TMEM184B: variants seen among roughly 807,000 people sequenced by gnomAD.
The protein encoded by TMEM184B is putative MAPK-activating protein FM08.
In TMEM184B, 17 loss-of-function variants were observed where a neutral mutation model predicts 41.8. The ratio of observed to expected loss-of-function variants is 0.41; its 90% CI spans 0.28 to 0.61. TMEM184B has a LOEUF of 0.61. Among genes scored for constraint, TMEM184B ranks in the 20% least tolerant of loss-of-function variants. The pLI, the probability that TMEM184B is intolerant of heterozygous loss-of-function variation, is 0.34. For synonymous variants in TMEM184B, 240 were observed against 229.5 expected (o/e 1.05, Z -0.41); for missense variants, 393 against 557.8 (o/e 0.70, Z 2.98).
chr22:38,227,814 G>A (rs370811127), intron 5 of TMEM184B, among the ~76,000 whole-genome samples: 45 of 152,268 alleles, frequency 3.0e-4, no homozygotes, highest in Non-Finnish European at 4.9e-4. Context: ...CACTAACGGC[G>A]CCTGCTAGCT....
At chr22:38,269,314 G>A (rs1054055848) in intron 1 of TMEM184B, among the ~76,000 whole-genome samples, 3 of 152,142 alleles carry the variant, frequency 2.0e-5, no homozygotes, top group East Asian at 1.9e-4. Context: ...TCCGCCTCCC[G>A]GATTAAAGCA....
intron 1 of TMEM184B, among the ~76,000 whole-genome samples, chr22:38,267,096 A>C (rs923979313): frequency 6.6e-6 from 1 of 152,108 alleles, no homozygotes; most frequent in Non-Finnish European, 1.5e-5. Context: ...AAAAAAAAAA[A>C]AAACAAGTAC....
rs1374465300 is a variant in TMEM184B, at chr22:38,260,345, C to T, written c.-58-12326G>A. Among the ~76,000 whole-genome samples the T allele has an allele frequency of 2.6e-5, 4 of 152,124 alleles. No individual in the cohort carries two copies. In the East Asian group the frequency reaches 5.8e-4, roughly 22 times the overall value. ...TGCTGGGATTACAGATGTGAGCCAC[C>T]GCACCCGACCTAATTTGTGTTTTAA... On this transcript the variant is annotated intron_variant, in intron 1 of 8. Coordinates refer to ENST00000361906, the MANE Select transcript of TMEM184B (RefSeq NM_012264.5).
At chr22:38,251,848 A>C (rs2092170763) in intron 1 of TMEM184B, among the ~76,000 whole-genome samples, 1 of 150,840 alleles carries the variant, frequency 6.6e-6, no homozygotes, top group Admixed American at 6.6e-5. Flanking sequence ...CAAACAGATG[A>C]GGCTCAGAAT....
At chr22:38,247,683 G>T in intron 2 of TMEM184B, 87 bp downstream of exon 2, 1 of 1,469,940 alleles carries the variant, frequency 6.8e-7, no homozygotes, top group Non-Finnish European at 9.0e-7. Flanking sequence ...CTGCAGTGCA[G>T]CCTGGCCTAG....
intron 1 of TMEM184B, among the ~76,000 whole-genome samples, chr22:38,267,365 GAC>G (rs2092458167): frequency 6.6e-6 from 1 of 151,786 alleles, no homozygotes; most frequent in African/African-American, 2.4e-5. Context: ...CAGCCAGCCA[GAC>G]TCAAGGCTGT....
intron 1 of TMEM184B, among the ~76,000 whole-genome samples, chr22:38,252,460 A>G (rs1227780299): frequency 6.6e-6 from 1 of 152,220 alleles, no homozygotes; most frequent in African/African-American, 2.4e-5. Flanking sequence ...ACAAGTCCTG[A>G]GGCCTCTGGA....
chr22:38,252,062 ATTT>A (rs61385474), intron 1 of TMEM184B, among the ~76,000 whole-genome samples: 1 of 142,874 alleles, frequency 7.0e-6, no homozygotes, highest in Admixed American at 7.0e-5. Context: ...TGTCCAACAA[ATTT>A]TTTTTTTTTT....
chr22:38,247,448 G>A (rs2092059654), intron 2 of TMEM184B, among the ~76,000 whole-genome samples: 2 of 152,222 alleles, frequency 1.3e-5, no homozygotes, highest in Non-Finnish European at 2.9e-5. Context: ...TGGGACGCAG[G>A]CAAGAAAGCG....
chr22:38,256,981 T>TTTTTTTTTG (rs1361406755), intron 1 of TMEM184B, among the ~76,000 whole-genome samples: 4 of 149,256 alleles, frequency 2.7e-5, no homozygotes, highest in African/African-American at 1.0e-4. Context: ...TTAATAGTTT[T>TTTTTTTTTG]TTTTTTTTTT....
At chr22:38,251,567 T>G (rs2092162859) in intron 1 of TMEM184B, among the ~76,000 whole-genome samples, 1 of 152,158 alleles carries the variant, frequency 6.6e-6, no homozygotes, top group Non-Finnish European at 1.5e-5. Context: ...CCCAAGTCAG[T>G]GACCACAAGG....
chr22:38,219,528 T>C lies in TMEM184B; in HGVS notation c.*1941A>G, dbSNP rs2091201398. 2 of 899,150 alleles carry C rather than the reference T, an allele frequency of 2.2e-6. No homozygotes were observed. The highest frequency in any genetic ancestry group is 3.7e-5 in the African/African-American group (2 of 54,788). The allele number at this position is 899,150 out of a possible 1,614,324, so 55.7% of individuals were successfully genotyped here. ...GAGCTACTCTACCTGGAAAGAAAAT[T>C]AAAAAAAAAAAAGACAAGGTAGGTT... On this transcript the variant is annotated 3_prime_UTR_variant, in exon 9 of 9. Transcript: ENST00000361906.
intron 3 of TMEM184B, among the ~76,000 whole-genome samples, chr22:38,232,722 T>C (rs112509476): frequency 0.023 from 3,549 of 152,232 alleles, 147 homozygotes; most frequent in African/African-American, 0.081. Context: ...AGCTTGGCAC[T>C]TGATCTTTCA....
In TMEM184B at chr22:38,270,402, C is replaced by T. The variant is rs112332686; in HGVS notation, c.-59+2482G>A. Among the ~76,000 whole-genome samples, 76 of 152,344 alleles carry T rather than the reference C, an allele frequency of 5.0e-4. 2 individuals are homozygous for T. The highest frequency in any genetic ancestry group is 1.7e-3 in the East Asian group (9 of 5,192). ...AATTAAATACAGTAATTCATGAAAGCGCTTTGAACTGTGCCTGGCACACAG... is the reference window on the plus strand; with the variant it reads ...AATTAAATACAGTAATTCATGAAAGTGCTTTGAACTGTGCCTGGCACACAG... On this transcript the variant is annotated intron_variant, in intron 1 of 8. Transcript: ENST00000361906.
At chr22:38,266,395 C>A (rs912123298) in intron 1 of TMEM184B, among the ~76,000 whole-genome samples, 3 of 152,228 alleles carry the variant, frequency 2.0e-5, no homozygotes, top group African/African-American at 2.4e-5. Flanking sequence ...ACGAATAGCG[C>A]CCCTTGCCTT....
intron 5 of TMEM184B, among the ~76,000 whole-genome samples, chr22:38,227,989 G>C (rs1360810083): frequency 2.6e-5 from 4 of 152,158 alleles, no homozygotes; most frequent in Admixed American, 2.6e-4. Context: ...CAATCCAAAA[G>C]GCTCAACTAG....
chr22:38,243,054 A>G (rs1244281282), intron 3 of TMEM184B, among the ~76,000 whole-genome samples: 1 of 151,622 alleles, frequency 6.6e-6, no homozygotes, highest in East Asian at 1.9e-4. Flanking sequence ...GTCTCAAAAA[A>G]AAAAAAAAAA....
Position 38,220,984 on chromosome 22 carries a change from AATCTAGCACTGGACAAAGGTGG to A in TMEM184B, c.*463_*484del. 1.0e-6 allele frequency: 1 copy of A among 991,396 alleles called. No homozygotes were observed. Among genetic ancestry groups the A allele is most frequent in the Non-Finnish European group, 1.2e-6 (1 of 833,784 alleles). The allele number at this position is 991,396 out of a possible 1,614,324, so 61.4% of individuals were successfully genotyped here. The stretch of plus-strand genomic sequence containing the variant: ...CCCCACTCCTGCCCGGGGTGAGGTG[AATCTAGCACTGGACAAAGGTGG>A]ACAGGGGAGGGATGCAGGCGGGAAG... On this transcript the variant is annotated 3_prime_UTR_variant, in exon 9 of 9. Transcript: ENST00000361906.
In TMEM184B at chr22:38,226,864, G is replaced by A. The variant is rs117867471; in HGVS notation, c.532C>T (p.Leu178=). 1.1e-3 allele frequency: 1,739 copies of A among 1,591,974 alleles called. 39 individuals carry two copies. In the East Asian group the frequency reaches 0.028, roughly 26 times the overall value. ...GFLRFCKQAT[L]QFCVVKPLMA... is the part of the protein sequence containing the mutation. ...AGTGGCTTCACCACACAGAACTGCA[G>A]GGTGGCCTGTTGGGGGGAAAAGGAG... Residue 178 remains leucine, a synonymous_variant, in exon 6 of 9, where the codon CTG becomes TTG. Coordinates refer to ENST00000361906, the MANE Select transcript of TMEM184B (RefSeq NM_012264.5). This position sits in a 1 kb window ranked among gnomAD's most constrained non-coding sequence, Gnocchi z 4.6.
Sources: gnomAD v4.1 joint callset for allele counts (sites outside exome capture counted in the v4.1 genomes callset) on GRCh38, gnomAD v4.1.1 for gene constraint, Gnocchi (gnomAD v3.1) non-coding constraint, MANE v1.5 for transcripts, NCBI Gene and HGNC (gene_info 2026-07-23, HGNC 2026-07-21) for gene names.